Variants in HECW1 observed in about 807,000 individuals in gnomAD.
HECW1 encodes E3 ubiquitin-protein ligase HECW1.
In HECW1, 61 loss-of-function variants were observed where a neutral mutation model predicts 182.3. The observed-to-expected ratio is 0.33, with a 90% CI of 0.27 to 0.41. HECW1 has a LOEUF of 0.41. HECW1 is among the 10% of genes least tolerant of loss of function. The probability of loss-of-function intolerance (pLI) is 1.00; values close to 1 mark genes in which losing one functional copy is unlikely to be tolerated. For synonymous variants in HECW1, 859 were observed against 832.6 expected (o/e 1.03, Z -0.55); for missense variants, 1,739 against 2,108.9 (o/e 0.82, Z 3.44).
At chr7:43,164,724 G>A (rs531387452) in intron 2 of HECW1, among the ~76,000 whole-genome samples, 4 of 152,230 alleles carry the variant, frequency 2.6e-5, no homozygotes, top group East Asian at 1.9e-4. Flanking sequence ...AGAAAGAGGC[G>A]AGGACAGAGA....
chr7:43,353,997 G>A (rs1196966248), intron 5 of HECW1, among the ~76,000 whole-genome samples: 1 of 152,090 alleles, frequency 6.6e-6, no homozygotes, highest in East Asian at 1.9e-4. Context: ...CCATAGTCCT[G>A]GGATAAACCT....
chr7:43,114,024 C>G, intron 1 of HECW1, 133 bp from the exon 2 acceptor site: 1 of 401,844 alleles, frequency 2.5e-6, no homozygotes, highest in South Asian at 2.6e-5. Flanking sequence ...GGGCTGACAC[C>G]AGAGAGCATG....
chr7:43,522,749 C>T (rs1475825817), intron 24 of HECW1, among the ~76,000 whole-genome samples: 1 of 152,186 alleles, frequency 6.6e-6, no homozygotes, highest in East Asian at 1.9e-4. Context: ...GGAGACTAGC[C>T]TGTGGCCAAA....
chr7:43,438,784 G>A (rs1224249486), intron 9 of HECW1: 1 of 152,174 alleles, frequency 6.6e-6, no homozygotes, highest in Non-Finnish European at 1.5e-5. Context: ...TGTATAATAT[G>A]TATTTCTTTA....
chr7:43,199,385 AGACTTT>A (rs1794828521), intron 2 of HECW1, among the ~76,000 whole-genome samples: 1 of 152,252 alleles, frequency 6.6e-6, no homozygotes, highest in South Asian at 2.1e-4. Flanking sequence ...TGAATATTAT[AGACTTT>A]GAGAGTTTCC....
intron 2 of HECW1, among the ~76,000 whole-genome samples, chr7:43,151,306 A>C (rs2152645108): frequency 6.6e-6 from 1 of 152,330 alleles, no homozygotes; most frequent in East Asian, 1.9e-4. Context: ...TCCATTCTTT[A>C]GTATTCTGCC....
At chr7:43,336,014 C>T (rs1354777509) in intron 5 of HECW1, among the ~76,000 whole-genome samples, 1 of 125,554 alleles carries the variant, frequency 8.0e-6, no homozygotes, top group Non-Finnish European at 1.9e-5. Context: ...CTTTCTCTTT[C>T]TCTTTCTTTC....
chr7:43,459,758 G>C (rs775281865), intron 13 of HECW1, among the ~76,000 whole-genome samples: 1 of 152,076 alleles, frequency 6.6e-6, no homozygotes, highest in Non-Finnish European at 1.5e-5. Flanking sequence ...GGCTTGTCTC[G>C]AACCCCTGGC....
intron 25 of HECW1, 80 bp downstream of exon 25, chr7:43,541,341 CT>C (rs2081358424): frequency 1.8e-6 from 2 of 1,083,406 alleles, no homozygotes; most frequent in East Asian, 4.7e-5. Context: ...GCCACTGACC[CT>C]TTTGTCACTA....
intron 5 of HECW1, among the ~76,000 whole-genome samples, chr7:43,353,761 G>A (rs541482351): frequency 1.1e-4 from 16 of 152,292 alleles, no homozygotes; most frequent in African/African-American, 3.9e-4. Flanking sequence ...CCTGGGAGGA[G>A]ACTTGTCCCT....
intron 11 of HECW1, among the ~76,000 whole-genome samples, chr7:43,448,446 C>T (rs1200281552): frequency 6.6e-6 from 1 of 152,186 alleles, no homozygotes; most frequent in Non-Finnish European, 1.5e-5. Context: ...ATATTCACTC[C>T]TCCCACTTCC....
chr7:43,287,282 CT>C (rs1804773707), intron 3 of HECW1, among the ~76,000 whole-genome samples: 1 of 151,896 alleles, frequency 6.6e-6, no homozygotes, highest in Non-Finnish European at 1.5e-5. Context: ...GAATGGAGGC[CT>C]GATGAAGGGA....
intron 6 of HECW1, among the ~76,000 whole-genome samples, chr7:43,378,337 G>C (rs7794449): frequency 0.6 from 90,581 of 152,156 alleles, 27,319 homozygotes; most frequent in African/African-American, 0.68. Flanking sequence ...GAGAGGACTT[G>C]TCAGGAATAG....
intron 17 of HECW1, among the ~76,000 whole-genome samples, chr7:43,481,006 C>A (rs1489574863): frequency 6.6e-6 from 1 of 152,162 alleles, no homozygotes; most frequent in Non-Finnish European, 1.5e-5. Context: ...AATGTTTTTT[C>A]ATGGAGTCGT....
chr7:43,290,268 G>T lies in HECW1; in HGVS notation c.28-21495G>T, dbSNP rs914016502. 2.0e-5 allele frequency among the ~76,000 whole-genome samples: 3 copies of T among 152,234 alleles called. No homozygotes were observed. The Middle Eastern group carries it at 0.01, about 518-fold the overall frequency. On this transcript the variant is annotated intron_variant, in intron 3 of 29. Coordinates refer to ENST00000395891, the MANE Select transcript of HECW1 (RefSeq NM_015052.5). ...GTAAAATATTTTTATTTTCTCCAGGGTCTGCTATCTGTCATGTGATGTTAT... is the reference window on the plus strand; with the variant it reads ...GTAAAATATTTTTATTTTCTCCAGGTTCTGCTATCTGTCATGTGATGTTAT...
In HECW1 at chr7:43,501,240, C is replaced by T. The variant is rs367579167; in HGVS notation, c.3549C>T (p.Tyr1183=). The T allele has an allele frequency of 5.2e-5, 77 of 1,488,994 alleles. No homozygotes were observed. In the African/African-American group the frequency reaches 8.7e-4, roughly 17 times the overall value. The allele number at this position is 1,488,994 out of a possible 1,614,324, so 92.2% of individuals were successfully genotyped here. Residue 1183 remains tyrosine (Y), a synonymous_variant, in exon 21 of 30, where the codon TAC becomes TAT. Transcript: ENST00000395891. ...TCTTTGAAGAAGAGATTATGTCCTA[C>T]GTCCCCCTGCAGGCTGCCTTCCACC... ...LSLFEEEIMS[Y]VPLQAAFHPG...
At chr7:43,279,910 A>G (rs1803673285) in intron 3 of HECW1, among the ~76,000 whole-genome samples, 1 of 152,226 alleles carries the variant, frequency 6.6e-6, no homozygotes, top group Non-Finnish European at 1.5e-5. Flanking sequence ...CCCTTGGTCA[A>G]GAATCACCAA....
intron 4 of HECW1, among the ~76,000 whole-genome samples, chr7:43,315,033 G>A (rs893301671): frequency 2.6e-5 from 4 of 152,208 alleles, no homozygotes; most frequent in African/African-American, 9.7e-5. Context: ...GCACATCCGT[G>A]TGCCATCAAA....
intron 5 of HECW1, among the ~76,000 whole-genome samples, chr7:43,330,766 C>T (rs58394495): frequency 0.039 from 6,005 of 152,212 alleles, 209 homozygotes; most frequent in East Asian, 0.19. Context: ...TGCTGGAACT[C>T]TCCTGGTTTG....
Sources: allele counts gnomAD v4.1 joint callset (sites outside exome capture counted in the v4.1 genomes callset), GRCh38; gene constraint gnomAD v4.1.1; transcripts MANE v1.5; gene names NCBI Gene and HGNC (gene_info 2026-07-23, HGNC 2026-07-21).